HELZ: variants seen among roughly 807,000 people sequenced by gnomAD.
The protein encoded by HELZ is ATP-dependent RNA helicase with zinc finger domain.
HELZ carries 23 observed loss-of-function variants against 218.2 expected under a neutral mutation model. The ratio of observed to expected loss-of-function variants is 0.11; its 90% CI spans 0.08 to 0.15. The LOEUF is 0.15. HELZ is among the 10% of genes least tolerant of loss of function. HELZ has a pLI of 1.00. For synonymous variants in HELZ, 814 were observed against 829.4 expected (o/e 0.98, Z 0.32); for missense variants, 1,813 against 2,353.7 (o/e 0.77, Z 4.75).
chr17:67,098,407 T>C (rs1162862252), intron 31 of HELZ, among the ~76,000 whole-genome samples: 1 of 152,110 alleles, frequency 6.6e-6, no homozygotes, highest in Non-Finnish European at 1.5e-5. Context: ...CAAAGTCTTT[T>C]TCAATAAGAA....
chr17:67,200,931 A>T lies in HELZ; in HGVS notation c.429+198T>A. On this transcript the variant is annotated intron_variant, in intron 7 of 32. Coordinates refer to ENST00000358691, the MANE Select transcript of HELZ (RefSeq NM_014877.4). Reference sequence around the variant, plus strand: ...AGATAAGCCCTGGCACACAGAGGAGACATGTGGAGAAGCAGCATTCCCACG... The same window carrying T: ...AGATAAGCCCTGGCACACAGAGGAGTCATGTGGAGAAGCAGCATTCCCACG... 1.9e-5 allele frequency: 11 copies of T among 568,602 alleles called. No individual in the cohort carries two copies. The South Asian group carries it at 2.4e-4, about 13-fold the overall frequency. 35.2% of individuals were successfully genotyped at this position (568,602 alleles called of 1,614,324 possible). A position where few individuals can be genotyped will look rare whatever the true frequency, so the allele number is the denominator to read the frequency against.
intron 3 of HELZ, chr17:67,224,565 C>T (rs1258465923): frequency 2.7e-5 from 12 of 439,496 alleles, no homozygotes; most frequent in South Asian, 1.3e-4. Context: ...AGTGTATACA[C>T]GATTATTAAT....
intron 13 of HELZ, 99 bp downstream of exon 13, chr17:67,178,560 T>G: frequency 1.0e-6 from 1 of 962,722 alleles, no homozygotes; most frequent in Non-Finnish European, 1.6e-6. Context: ...AACAACCATT[T>G]ACTACCTGTC....
At chr17:67,229,428 A>C (rs1217055088) in intron 3 of HELZ, among the ~76,000 whole-genome samples, 1 of 152,170 alleles carries the variant, frequency 6.6e-6, no homozygotes, top group Non-Finnish European at 1.5e-5. Context: ...CAAAACTAAA[A>C]TAGCATTACT....
chr17:67,105,006 G>A (rs1243612221), intron 31 of HELZ, among the ~76,000 whole-genome samples: 2 of 152,056 alleles, frequency 1.3e-5, no homozygotes, highest in Non-Finnish European at 2.9e-5. Context: ...GGTGGTGGGC[G>A]CCTGTAGTCC....
At chr17:67,150,464 C>T (rs2038649320) in intron 18 of HELZ, among the ~76,000 whole-genome samples, 1 of 152,064 alleles carries the variant, frequency 6.6e-6, no homozygotes, top group Non-Finnish European at 1.5e-5. Flanking sequence ...TTAAGTTTTG[C>T]CATATTTATC....
In HELZ at chr17:67,109,539, G is replaced by A. The variant is rs749763290; in HGVS notation, c.4066C>T (p.Pro1356Ser). 104 of 1,614,024 alleles carry A rather than the reference G, an allele frequency of 6.4e-5. No individual in the cohort carries two copies. The highest frequency in any genetic ancestry group is 1.6e-4 in the Middle Eastern group (1 of 6,084). The part of the protein sequence containing the change: ...LPAPHAQYAI[P>S]NRHFHPLPQL... Reference sequence around the variant, plus strand: ...GGAAGGGGATGAAAGTGGCGATTAGGGATTGCATACTGTGCGTGGGGAGCA... The same window carrying A: ...GGAAGGGGATGAAAGTGGCGATTAGAGATTGCATACTGTGCGTGGGGAGCA... The change falls in exon 29 of 33, where the codon CCT becomes TCT. Residue 1356 changes from proline (P) to serine (S), a missense_variant. Pro to Ser is a moderately conservative substitution (Grantham distance 74). Transcript: ENST00000358691.
intron 20 of HELZ, among the ~76,000 whole-genome samples, chr17:67,147,751 T>C (rs1344287943): frequency 3.3e-5 from 5 of 151,924 alleles, no homozygotes; most frequent in Non-Finnish European, 7.4e-5. Flanking sequence ...CCCAAAGTGA[T>C]TGTGGGTCTT....
rs2037214243 is a variant in HELZ, at chr17:67,109,528, G to A, written c.4077C>T (p.His1359=). The A allele has an allele frequency of 1.2e-6, 2 of 1,614,032 alleles. No individual in the cohort carries two copies. The highest frequency in any genetic ancestry group is 1.6e-4 in the Middle Eastern group (1 of 6,084). ...TTGGTAGCTGGGGAAGGGGATGAAA[G>A]TGGCGATTAGGGATTGCATACTGTG... The part of the protein sequence containing the change: ...PHAQYAIPNR[H]FHPLPQLPRP... Residue 1359 remains histidine, a synonymous_variant, in exon 29 of 33, where the codon CAC becomes CAT. Transcript: ENST00000358691.
chr17:67,199,525 A>G (rs2040117413), intron 7 of HELZ, among the ~76,000 whole-genome samples: 1 of 152,046 alleles, frequency 6.6e-6, no homozygotes, highest in Non-Finnish European at 1.5e-5. Context: ...TTTTGCCATT[A>G]CTTTCAAAGG....
At position 67,187,371 on chromosome 17, in the gene HELZ, G is replaced by A. The variant is rs1460264062; in HGVS notation, c.1162+948C>T. 2.0e-5 allele frequency among the ~76,000 whole-genome samples: 3 copies of A among 152,248 alleles called. No individual in the cohort carries two copies. In the East Asian group the frequency reaches 5.8e-4, roughly 29 times the overall value. ...CTAACTGTTAAATTTGGGCACCATC[G>A]TTGTTTCAACCTTACTAGCAGCTAA... On this transcript the variant is annotated intron_variant, in intron 12 of 32. Transcript: ENST00000358691.
Position 67,203,370 on chromosome 17 carries a change from C to T in HELZ, c.321G>A (p.Lys107=), listed in dbSNP as rs774532857. ...CAAGAATGGTGGATACAGGTTGGAG[C>T]TTCCCTTTCAGCTGCATGCAGCAAA... ...AVLCCMQLKG[K]LQPVSTILAK... Residue 107 remains lysine (K), a synonymous_variant, in exon 6 of 33, where the codon AAG becomes AAA. Transcript: ENST00000358691. The T allele has an allele frequency of 3.1e-6, 5 of 1,614,166 alleles. No homozygotes were observed.
chr17:67,101,314 A>AT (rs1555599213), intron 31 of HELZ, among the ~76,000 whole-genome samples: 2 of 151,392 alleles, frequency 1.3e-5, no homozygotes, highest in Admixed American at 6.6e-5. Flanking sequence ...GTTATTTTAA[A>AT]TTTTTTTTTA....
chr17:67,092,410 G>A (rs1273517377), intron 31 of HELZ, among the ~76,000 whole-genome samples: 2 of 152,098 alleles, frequency 1.3e-5, no homozygotes, highest in Non-Finnish European at 2.9e-5. Flanking sequence ...ATGAAAGGAA[G>A]ATGAAGGGAT....
chr17:67,212,797 C>T (rs1030793886), intron 5 of HELZ, among the ~76,000 whole-genome samples: 24 of 152,158 alleles, frequency 1.6e-4, no homozygotes, highest in Non-Finnish European at 1.9e-4. Flanking sequence ...ATGAACACCA[C>T]TCTGCATACA....
chr17:67,166,433 T>A, intron 15 of HELZ, 45 bp downstream of exon 15: 1 of 1,521,652 alleles, frequency 6.6e-7, no homozygotes, highest in Non-Finnish European at 9.1e-7. Context: ...ATATTCAATT[T>A]AATATTAACC....
chr17:67,170,446 G>A (rs187739561), intron 13 of HELZ, among the ~76,000 whole-genome samples: 59 of 152,134 alleles, frequency 3.9e-4, no homozygotes, highest in African/African-American at 1.3e-3. Context: ...ACCAGGAGGC[G>A]GAGGTTGCAG....
chr17:67,229,855 C>T (rs2040989322), intron 3 of HELZ, among the ~76,000 whole-genome samples: 1 of 152,148 alleles, frequency 6.6e-6, no homozygotes. Context: ...AACATAAAAT[C>T]ACTGAGTATG....
intron 3 of HELZ, among the ~76,000 whole-genome samples, chr17:67,229,041 G>C (rs548131820): frequency 1.3e-5 from 2 of 152,102 alleles, no homozygotes; most frequent in Non-Finnish European, 2.9e-5. Flanking sequence ...AGTAACCCAA[G>C]TGAAGAGGAA....
Sources: gnomAD v4.1 joint callset for allele counts (sites outside exome capture counted in the v4.1 genomes callset) on GRCh38, gnomAD v4.1.1 for gene constraint, MANE v1.5 for transcripts, NCBI Gene and HGNC (gene_info 2026-07-23, HGNC 2026-07-21) for gene names.